ADAM18: variants seen among roughly 807,000 people sequenced by gnomAD.
ADAM18 encodes the protein disintegrin and metalloproteinase domain-containing protein 18.
ADAM18 carries 117 observed loss-of-function variants against 94.4 expected under a neutral mutation model. The observed-to-expected ratio is 1.24, with a 90% CI of 1.07 to 1.45. The LOEUF is 1.45. Ranked by LOEUF, ADAM18 falls within the 40% of genes most tolerant of loss-of-function variation. The pLI, the probability that ADAM18 is intolerant of heterozygous loss-of-function variation, is 0.00. For synonymous variants in ADAM18, 327 were observed against 291.6 expected (o/e 1.12, Z -1.24); for missense variants, 936 against 880.0 (o/e 1.06, Z -0.81).
chr8:39,709,871 G>C (rs1822348008), intron 18 of ADAM18, among the ~76,000 whole-genome samples: 1 of 152,328 alleles, frequency 6.6e-6, no homozygotes, highest in Middle Eastern at 3.4e-3. Context: ...TGTGTTTTAT[G>C]TATGCACAGT....
intron 17 of ADAM18, among the ~76,000 whole-genome samples, chr8:39,705,337 T>C (rs1822211885): frequency 6.6e-6 from 1 of 152,174 alleles, no homozygotes; most frequent in Admixed American, 6.6e-5. Context: ...GGCTGTTTCT[T>C]TTAAAGTTAG....
chr8:39,607,125 C>G (rs1428186344), intron 3 of ADAM18, among the ~76,000 whole-genome samples: 3 of 152,152 alleles, frequency 2.0e-5, no homozygotes, highest in Non-Finnish European at 2.9e-5. Flanking sequence ...ACTGAACCTA[C>G]TTTACATGTA....
At chr8:39,673,331 T>A (rs1453718660) in intron 14 of ADAM18, among the ~76,000 whole-genome samples, 3 of 152,140 alleles carry the variant, frequency 2.0e-5, no homozygotes, top group Non-Finnish European at 4.4e-5. Flanking sequence ...TATTATTATT[T>A]ATTGTACTTT....
chr8:39,705,366 T>A (rs1312869722), intron 17 of ADAM18, among the ~76,000 whole-genome samples: 1 of 152,128 alleles, frequency 6.6e-6, no homozygotes, highest in Non-Finnish European at 1.5e-5. Context: ...AATAATGAGA[T>A]CCTTTGTTGT....
At chr8:39,729,756 A>C in intron 19 of ADAM18, 142 bp from the exon 20 acceptor site, 1 of 641,730 alleles carries the variant, frequency 1.6e-6, no homozygotes, top group Non-Finnish European at 2.7e-6. Flanking sequence ...TATAATATAG[A>C]TAACCAAACT....
In ADAM18 at chr8:39,723,744, C is replaced by A; in HGVS notation, c.2018-4C>A. 1 of 1,468,930 alleles carries A rather than the reference C, an allele frequency of 6.8e-7. No homozygotes were observed. The highest frequency in any genetic ancestry group is 1.6e-5 in the South Asian group (1 of 63,492). The allele number at this position is 1,468,930 out of a possible 1,614,324, so 91.0% of individuals were successfully genotyped here. ...CACTAATTTATCATATGATTCATTT[C>A]TAGGTGACTTTTATACTGAAAAAGG... On this transcript the variant is annotated splice_polypyrimidine_tract_variant and splice_region_variant and intron_variant, in intron 18 of 19. Transcript: ENST00000265707.
chr8:39,636,157 TAC>T (rs1469037985), intron 7 of ADAM18, among the ~76,000 whole-genome samples: 3 of 152,188 alleles, frequency 2.0e-5, no homozygotes, highest in East Asian at 1.9e-4. Context: ...TAGCTGGGAC[TAC>T]AGGCATGCAC....
intron 3 of ADAM18, among the ~76,000 whole-genome samples, chr8:39,606,962 G>A (rs947386527): frequency 1.3e-5 from 2 of 152,238 alleles, no homozygotes; most frequent in South Asian, 2.1e-4. Flanking sequence ...GCAGGAACTG[G>A]CCATTTTCAC....
chr8:39,595,674 A>AC (rs1364658430), intron 2 of ADAM18, among the ~76,000 whole-genome samples: 1 of 151,878 alleles, frequency 6.6e-6, no homozygotes, highest in Non-Finnish European at 1.5e-5. Flanking sequence ...GGTGCACACC[A>AC]CCATACCTGG....
chr8:39,598,709 C>G (rs909161737), intron 2 of ADAM18, among the ~76,000 whole-genome samples: 1 of 147,322 alleles, frequency 6.8e-6, no homozygotes, highest in Admixed American at 6.8e-5. Context: ...CAGATGTTGC[C>G]GTGAGCTGTG....
At chr8:39,716,895 A>T (rs1822594064) in intron 18 of ADAM18, among the ~76,000 whole-genome samples, 1 of 151,886 alleles carries the variant, frequency 6.6e-6, no homozygotes, top group African/African-American at 2.4e-5. Context: ...GGGTGCTCAG[A>T]TGTCATACCT....
chr8:39,599,197 G>A (rs1818832349), intron 2 of ADAM18, among the ~76,000 whole-genome samples: 1 of 152,148 alleles, frequency 6.6e-6, no homozygotes, highest in Non-Finnish European at 1.5e-5. Flanking sequence ...TACATGAATT[G>A]ATTTTCAAGT....
Position 39,610,608 on chromosome 8 carries a change from C to T in ADAM18, c.424C>T (p.Gln142Ter). 1 of 1,612,588 alleles carries T rather than the reference C, an allele frequency of 6.2e-7. No individual in the cohort carries two copies. Among genetic ancestry groups the T allele is most frequent in the Non-Finnish European group, 8.5e-7 (1 of 1,179,172 alleles). Residue 142 changes from glutamine (Q) to a stop codon, truncating the protein, a stop_gained, in exon 6 of 20, where the codon CAA becomes TAA. Transcript: ENST00000265707. LOFTEE classifies it high-confidence loss of function. ...SSARFEHIIY[Q>*]MKNNDPNVSI... Reference sequence around the variant, plus strand: ...AGCAAGATTTGAGCATATAATTTATCAAATGAAAAATAATGATCCAAATGT... The same window carrying T: ...AGCAAGATTTGAGCATATAATTTATTAAATGAAAAATAATGATCCAAATGT...
At chr8:39,661,127 A>C (rs867465842) in intron 12 of ADAM18, among the ~76,000 whole-genome samples, 24 of 149,968 alleles carry the variant, frequency 1.6e-4, no homozygotes, top group East Asian at 3.9e-4. Context: ...TAAAAAAAAA[A>C]CCAAAAAACA....
At chr8:39,630,370 A>G (rs1283737033) in intron 7 of ADAM18, among the ~76,000 whole-genome samples, 2 of 151,238 alleles carry the variant, frequency 1.3e-5, no homozygotes, top group African/African-American at 4.8e-5. Context: ...GTATGTGTGT[A>G]TATAAGTTAT....
intron 14 of ADAM18, among the ~76,000 whole-genome samples, chr8:39,669,252 A>T (rs970254940): frequency 2.0e-5 from 3 of 151,046 alleles, no homozygotes; most frequent in Admixed American, 1.3e-4. Flanking sequence ...TTGACACATG[A>T]CATCTTTTTT....
intron 16 of ADAM18, among the ~76,000 whole-genome samples, chr8:39,682,565 G>A (rs1339584992): frequency 2.6e-5 from 4 of 152,042 alleles, no homozygotes; most frequent in African/African-American, 9.7e-5. Flanking sequence ...ACCCAAACAA[G>A]GAACTCCCAA....
chr8:39,648,293 G>A (rs1283559305), intron 11 of ADAM18, 51 bp from the exon 12 acceptor site: 1 of 1,451,420 alleles, frequency 6.9e-7, no homozygotes, highest in African/African-American at 1.4e-5. Context: ...TTGTTTAGAT[G>A]TGGTTTTATT....
chr8:39,621,338 C>T (rs918350037), intron 6 of ADAM18, among the ~76,000 whole-genome samples: 2 of 150,834 alleles, frequency 1.3e-5, no homozygotes, highest in African/African-American at 4.9e-5. Context: ...CACACACACA[C>T]ACACACACAC....
Sources: gnomAD v4.1 joint callset for allele counts (sites outside exome capture counted in the v4.1 genomes callset) on GRCh38, gnomAD v4.1.1 for gene constraint, MANE v1.5 for transcripts, NCBI Gene and HGNC (gene_info 2026-07-23, HGNC 2026-07-21) for gene names.